URB1: variants seen among roughly 807,000 people sequenced by gnomAD.
URB1 encodes URB1 ribosome biogenesis factor, also known as nucleolar pre-ribosomal-associated protein 1.
URB1 carries 197 observed loss-of-function variants against 242.3 expected under a neutral mutation model. The ratio of observed to expected loss-of-function variants is 0.81; its 90% CI spans 0.72 to 0.91. URB1 has a LOEUF of 0.91. Ranked by LOEUF, URB1 falls within the 40% of genes least tolerant of loss-of-function variation. URB1 has a pLI of 0.00. For missense variants in URB1, 2,721 were observed against 2,860.5 expected (o/e 0.95, Z 1.11); for synonymous variants, 1,153 against 1,201.8 (o/e 0.96, Z 0.84).
intron 35 of URB1, 100 bp downstream of exon 35, chr21:32,320,431 C>T: frequency 1.1e-6 from 1 of 888,472 alleles, no homozygotes; most frequent in Non-Finnish European, 1.7e-6. Context: ...ATGGATTTTA[C>T]TGGACATTTC....
chr21:32,318,743 G>A (rs1446369748), intron 36 of URB1, among the ~76,000 whole-genome samples: 1 of 152,176 alleles, frequency 6.6e-6, no homozygotes, highest in African/African-American at 2.4e-5. Flanking sequence ...CCAAGGGATC[G>A]GAGGAAAATA....
intron 11 of URB1, 38 bp downstream of exon 11, chr21:32,363,118 G>C (rs2033307387): frequency 6.5e-7 from 1 of 1,537,742 alleles, no homozygotes; most frequent in South Asian, 1.2e-5. Flanking sequence ...CACCTGGTGA[G>C]GTCTGGAAGG....
chr21:32,325,348 G>A lies in URB1; in HGVS notation c.5002C>T (p.Leu1668=), dbSNP rs759182289. The A allele has an allele frequency of 9.7e-6, 15 of 1,551,422 alleles. No individual in the cohort carries two copies. In the South Asian group the frequency reaches 1.5e-4, roughly 16 times the overall value. The change falls in exon 31 of 39, where the codon CTG becomes TTG. Residue 1668 remains leucine, a synonymous_variant. Transcript: ENST00000382751. The part of the protein sequence containing the change: ...DCRKFLDSNA[L]GLTVTALSSY... ...CTGAGGGCTGTGACAGTTAGGCCCA[G>A]AGCATTTGAATCCAAAAATTTTCGA...
intron 1 of URB1, among the ~76,000 whole-genome samples, chr21:32,390,827 G>C (rs2033629757): frequency 6.6e-6 from 1 of 152,140 alleles, no homozygotes. Context: ...CAGGGATCTA[G>C]AACTAGAAAT....
chr21:32,337,464 A>T lies in URB1; in HGVS notation c.4561T>A (p.Cys1521Ser). 2.6e-6 allele frequency: 4 copies of T among 1,550,938 alleles called. No homozygotes were observed. Among genetic ancestry groups the T allele is most frequent in the Non-Finnish European group, 3.5e-6 (4 of 1,146,492 alleles). The change falls in exon 27 of 39, where the codon TGT becomes AGT. Residue 1521 changes from cysteine (C) to serine (S), a missense_variant. Coordinates refer to ENST00000382751, the MANE Select transcript of URB1 (RefSeq NM_014825.3). ...LTVVEMCPSV[C>S]ESSHFAVLLG... ...AGCACTGCAAAGTGGCTGCTCTCAC[A>T]GACAGAGGGGCACATCTCCACCACC... is the stretch of plus-strand genomic sequence containing the variant.
In URB1 at chr21:32,347,364, C is replaced by T. The variant is rs2033102805; in HGVS notation, c.3460G>A (p.Gly1154Arg). The change falls in exon 22 of 39, where the codon GGA becomes AGA. Residue 1154 changes from glycine (G) to arginine (R), a missense_variant. Gly to Arg is a moderately radical substitution (Grantham distance 125, BLOSUM62 -2). Transcript: ENST00000382751. Reference protein sequence around the residue: ...PGKERHLNALGKTLVQLLTCS... With the variant: ...PGKERHLNALRKTLVQLLTCS... ...GTCAGCAGCTGCACCAGGGTCTTTCCAAGAGCATTCAGGTGTCTTTCCTTC... is the reference window on the plus strand; with the variant it reads ...GTCAGCAGCTGCACCAGGGTCTTTCTAAGAGCATTCAGGTGTCTTTCCTTC... The T allele has an allele frequency of 6.4e-7, 1 of 1,551,306 alleles. No homozygotes were observed. The highest frequency in any genetic ancestry group is 8.7e-7 in the Non-Finnish European group (1 of 1,146,992).
intron 34 of URB1, among the ~76,000 whole-genome samples, chr21:32,321,065 CCT>C (rs2032759821): frequency 6.6e-6 from 1 of 152,202 alleles, no homozygotes; most frequent in East Asian, 1.9e-4. Flanking sequence ...GGGATGGTCC[CCT>C]GACTTGTTCA....
At chr21:32,389,785 C>T (rs892565063) in intron 1 of URB1, among the ~76,000 whole-genome samples, 37 of 152,206 alleles carry the variant, frequency 2.4e-4, no homozygotes, top group African/African-American at 8.9e-4. Context: ...CGTGGGCAAA[C>T]ACTTTCAAAG....
At position 32,334,233 on chromosome 21, in the gene URB1, A is replaced by C; in HGVS notation, c.4787T>G (p.Leu1596Arg). 1 of 1,551,586 alleles carries C rather than the reference A, an allele frequency of 6.4e-7. No individual in the cohort carries two copies. Among genetic ancestry groups the C allele is most frequent in the Non-Finnish European group, 8.7e-7 (1 of 1,146,954 alleles). Residue 1596 changes from leucine to arginine, a missense_variant, in exon 29 of 39, where the codon CTG becomes CGG. Coordinates refer to ENST00000382751, the MANE Select transcript of URB1 (RefSeq NM_014825.3). ...CTGCATCATCCGGTCCCGGTCCAGC[A>C]GGCGAAGGATGTCCCCGACACTCGG... ...QQPSVGDILR[L>R]LDRDRMMQTI...
intron 3 of URB1, 94 bp downstream of exon 3, chr21:32,384,219 G>A: frequency 3.5e-6 from 5 of 1,414,874 alleles, no homozygotes; most frequent in Non-Finnish European, 4.7e-6. Context: ...CTCTCCTCTA[G>A]CCATAAAGGT....
chr21:32,384,733 G>A (rs1014138881), intron 2 of URB1, among the ~76,000 whole-genome samples: 10 of 152,220 alleles, frequency 6.6e-5, no homozygotes, highest in Admixed American at 2.0e-4. Context: ...TGTAATCCCA[G>A]CACTTTGGGA....
intron 1 of URB1, among the ~76,000 whole-genome samples, chr21:32,392,187 C>T (rs2033646495): frequency 6.6e-6 from 1 of 152,198 alleles, no homozygotes; most frequent in Non-Finnish European, 1.5e-5. Flanking sequence ...TGTTACTTTC[C>T]AAACGATTAC....
chr21:32,392,992 C>A lies in URB1; in HGVS notation c.-82G>T, dbSNP rs953060266. 80 of 1,404,340 alleles carry A rather than the reference C, an allele frequency of 5.7e-5. 1 individual carries two copies. Among genetic ancestry groups the A allele is most frequent in the Middle Eastern group, 1.9e-4 (1 of 5,254 alleles). 87.0% of individuals were successfully genotyped at this position (1,404,340 alleles called of 1,614,324 possible). On this transcript the variant is annotated 5_prime_UTR_variant, in exon 1 of 39. Transcript: ENST00000382751. ...CACTGGCACAGACAGCAGACACGCG[C>A]TTCAGGCCCACATGGCGCAGGAAGA... is the stretch of plus-strand genomic sequence containing the variant.
Position 32,345,477 on chromosome 21 carries a change from G to A in URB1, c.3967C>T (p.Gln1323Ter). The change falls in exon 23 of 39, where the codon CAG (glutamine) becomes TAG (stop). Residue 1323 changes from glutamine to a stop codon, truncating the protein, a stop_gained. Coordinates refer to ENST00000382751, the MANE Select transcript of URB1 (RefSeq NM_014825.3). LOFTEE classifies it high-confidence loss of function. The stretch of plus-strand genomic sequence containing the variant: ...GGGACCAGCTGTGCCAGGATCTCCT[G>A]GTACAGCCCAGATGCTGGGGGACTG... ...TDSPPASGLY[Q>*]EILAQLVPFA... 1 of 1,551,606 alleles carries A rather than the reference G, an allele frequency of 6.4e-7. No homozygotes were observed. The highest frequency in any genetic ancestry group is 1.2e-5 in the South Asian group (1 of 84,060).
intron 11 of URB1, 66 bp from the exon 12 acceptor site, chr21:32,362,087 C>A (rs2033295812): frequency 2.0e-6 from 3 of 1,524,308 alleles, no homozygotes; most frequent in Admixed American, 2.1e-5. Flanking sequence ...ATGAACTGAA[C>A]ACATTAACAA....
At chr21:32,363,121 C>G in intron 11 of URB1, 35 bp downstream of exon 11, 2 of 1,539,370 alleles carry the variant, frequency 1.3e-6, no homozygotes, top group Non-Finnish European at 1.8e-6. Context: ...CTGGTGAGGT[C>G]TGGAAGGAAA....
intron 25 of URB1, among the ~76,000 whole-genome samples, 158 bp downstream of exon 25, chr21:32,341,308 G>A (rs1465522727): frequency 7.9e-5 from 12 of 152,140 alleles, no homozygotes; most frequent in Non-Finnish European, 2.9e-5. Context: ...GTGTCAAGAG[G>A]CAAATCATTT....
At chr21:32,359,693 T>C (rs1031426453) in intron 14 of URB1, 103 bp downstream of exon 14, 6 of 1,000,226 alleles carry the variant, frequency 6.0e-6, no homozygotes, top group Non-Finnish European at 8.5e-6. Flanking sequence ...CTCTTCCGTC[T>C]TGCCCCGTCA....
Position 32,311,419 on chromosome 21 carries a change from C to G in URB1, c.*3499G>C. 3.3e-6 allele frequency: 1 copy of G among 304,872 alleles called. No homozygotes were observed. The highest frequency in any genetic ancestry group is 6.1e-6 in the Non-Finnish European group (1 of 164,668). The allele number at this position is 304,872 out of a possible 1,614,324, so 18.9% of individuals were successfully genotyped here. ...ACCTGCTCCCCTCCACCCCCCACCC[C>G]CCCCATCCTAAATCAATGTAGGAAG... On this transcript the variant is annotated 3_prime_UTR_variant, in exon 39 of 39. Transcript: ENST00000382751.
Sources: allele counts gnomAD v4.1 joint callset (sites outside exome capture counted in the v4.1 genomes callset), GRCh38; gene constraint gnomAD v4.1.1; transcripts MANE v1.5; gene names NCBI Gene and HGNC (gene_info 2026-07-23, HGNC 2026-07-21).